SEMA3E: variants seen among roughly 807,000 people sequenced by gnomAD.
SEMA3E encodes the protein semaphorin 3E.
SEMA3E carries 49 observed loss-of-function variants against 93.6 expected under a neutral mutation model. The observed-to-expected ratio is 0.52, with a 90% CI of 0.42 to 0.66. SEMA3E has a LOEUF of 0.66. Ranked by LOEUF, SEMA3E falls within the 30% of genes least tolerant of loss-of-function variation. The pLI is 0.00. For missense variants in SEMA3E, 906 were observed against 964.8 expected, an observed-to-expected ratio of 0.94 and a Z score of 0.81; for synonymous variants, 363 against 330.7, an observed-to-expected ratio of 1.10 and a Z score of -1.06.
At position 83,406,278 on chromosome 7, in the gene SEMA3E, C is replaced by T. The variant is rs148233419; in HGVS notation, c.814-219G>A. Among the ~76,000 whole-genome samples the T allele has an allele frequency of 2.8e-3, 425 of 151,840 alleles. 2 individuals are homozygous for T. Among genetic ancestry groups the T allele is most frequent in the African/African-American group, 8.4e-3 (348 of 41,420 alleles). ...ATTCGGCCTTGTCAGTGCACTTTCA[C>T]CCTGATACAGTAAATATATTTTGCA... On this transcript the variant is annotated intron_variant, in intron 7 of 16. Transcript: ENST00000643230.
At chr7:83,370,970 T>C (rs1794741761) in intron 16 of SEMA3E, among the ~76,000 whole-genome samples, 1 of 152,192 alleles carries the variant, frequency 6.6e-6, no homozygotes, top group Non-Finnish European at 1.5e-5. Flanking sequence ...CAGATCCTGC[T>C]TTTGTAAATC....
In SEMA3E at chr7:83,531,971, C is replaced by T. The variant is rs114538571; in HGVS notation, c.116-41697G>A. Reference sequence around the variant, plus strand: ...ATATGGGAATCATCGGGAGACAGGACATTTGGCTTTTGGCTCTGAAAACAA... The same window carrying T: ...ATATGGGAATCATCGGGAGACAGGATATTTGGCTTTTGGCTCTGAAAACAA... On this transcript the variant is annotated intron_variant, in intron 1 of 16. Transcript: ENST00000643230. Among the ~76,000 whole-genome samples, 804 of 152,172 alleles carry T rather than the reference C, an allele frequency of 5.3e-3. 6 individuals are homozygous for T. The highest frequency in any genetic ancestry group is 0.018 in the African/African-American group (762 of 41,512).
chr7:83,609,405 A>G (rs755266126), intron 1 of SEMA3E, among the ~76,000 whole-genome samples: 2 of 152,042 alleles, frequency 1.3e-5, no homozygotes, highest in Non-Finnish European at 2.9e-5. Context: ...TTTCAGAGAC[A>G]AAGTGATTGA....
intron 12 of SEMA3E, among the ~76,000 whole-genome samples, chr7:83,396,204 C>T (rs1443781743): frequency 6.6e-6 from 1 of 151,758 alleles, no homozygotes; most frequent in African/African-American, 2.4e-5. Context: ...TTTTTATTAT[C>T]ATCTTCTATT....
chr7:83,596,540 C>A (rs1046081270), intron 1 of SEMA3E, among the ~76,000 whole-genome samples: 1 of 151,992 alleles, frequency 6.6e-6, no homozygotes. Context: ...GCTTTTATAG[C>A]TAGTTCTGTG....
chr7:83,485,253 G>C (rs1198907830), intron 2 of SEMA3E, among the ~76,000 whole-genome samples: 1 of 152,160 alleles, frequency 6.6e-6, no homozygotes, highest in Admixed American at 6.5e-5. Flanking sequence ...AGAATACAGA[G>C]TAAATAATAG....
intron 1 of SEMA3E, among the ~76,000 whole-genome samples, chr7:83,507,052 C>A (rs758645317): frequency 1.6e-4 from 25 of 152,166 alleles, no homozygotes; most frequent in Non-Finnish European, 2.9e-4. Flanking sequence ...GAATATCATT[C>A]CTGCCAGCTG....
At chr7:83,554,792 C>T (rs112983855) in intron 1 of SEMA3E, among the ~76,000 whole-genome samples, 2 of 151,980 alleles carry the variant, frequency 1.3e-5, no homozygotes, top group African/African-American at 4.8e-5. Flanking sequence ...TTGGCTAACA[C>T]GGTGAAACCC....
intron 16 of SEMA3E, among the ~76,000 whole-genome samples, chr7:83,378,746 C>G (rs955998993): frequency 6.6e-6 from 1 of 151,838 alleles, no homozygotes; most frequent in Non-Finnish European, 1.5e-5. Flanking sequence ...CTTATTTAAG[C>G]CATACAGCTC....
intron 1 of SEMA3E, among the ~76,000 whole-genome samples, chr7:83,587,515 TTTCCTCTAAA>T (rs1269531992): frequency 7.2e-5 from 11 of 152,250 alleles, no homozygotes; most frequent in African/African-American, 2.4e-4. Flanking sequence ...GAGAGATTGC[TTTCCTCTAAA>T]AATAAACCTT....
intron 1 of SEMA3E, among the ~76,000 whole-genome samples, chr7:83,519,038 G>T (rs1172455257): frequency 6.6e-6 from 1 of 151,802 alleles, no homozygotes; most frequent in Non-Finnish European, 1.5e-5. Flanking sequence ...AGTTACATAT[G>T]TATACATGTG....
rs1387707155 is a variant in SEMA3E, at chr7:83,407,136, A to G, written c.774T>C (p.Asn258=). The change falls in exon 7 of 17, where the codon AAT becomes AAC. Residue 258 remains asparagine, a synonymous_variant. Transcript: ENST00000643230. ...FTEKALEAEN[N]AHAIYTRVGR... is the part of the protein sequence containing the mutation. Reference sequence around the variant, plus strand: ...CGACCCTGGTGTAAATTGCGTGAGCATTGTTTTCTGCCTCCAGTGCCTTCT... The same window carrying G: ...CGACCCTGGTGTAAATTGCGTGAGCGTTGTTTTCTGCCTCCAGTGCCTTCT... The G allele has an allele frequency of 1.2e-6, 2 of 1,613,660 alleles. No individual in the cohort carries two copies. The highest frequency in any genetic ancestry group is 1.7e-5 in the Admixed American group (1 of 59,924).
chr7:83,495,474 A>G (rs879898312), intron 1 of SEMA3E, among the ~76,000 whole-genome samples: 2 of 130,998 alleles, frequency 1.5e-5, no homozygotes, highest in Non-Finnish European at 3.6e-5. Context: ...ATAAACATAA[A>G]ACAATTAATG....
At chr7:83,450,472 A>G (rs1789336404) in intron 4 of SEMA3E, among the ~76,000 whole-genome samples, 2 of 152,228 alleles carry the variant, frequency 1.3e-5, no homozygotes, top group Admixed American at 6.5e-5. Context: ...CAATCTCAGT[A>G]TAACTGTTGA....
chr7:83,481,198 G>A (rs990360280), intron 2 of SEMA3E, among the ~76,000 whole-genome samples: 6 of 151,916 alleles, frequency 3.9e-5, no homozygotes, highest in Non-Finnish European at 7.4e-5. Context: ...AAATGTCTAC[G>A]AGGATGTTTT....
At position 83,611,285 on chromosome 7, in the gene SEMA3E, AT is replaced by A. The variant is rs1477923263; in HGVS notation, c.115+37142del. 2.4e-3 allele frequency among the ~76,000 whole-genome samples: 345 copies of A among 143,482 alleles called. 2 individuals carry two copies. Among genetic ancestry groups the A allele is most frequent in the South Asian group, 8.9e-3 (42 of 4,730 alleles). 94.1% of individuals were successfully genotyped at this position (143,482 alleles called of 152,430 possible). On this transcript the variant is annotated intron_variant, in intron 1 of 16. Coordinates refer to ENST00000643230, the MANE Select transcript of SEMA3E (RefSeq NM_012431.3). The stretch of plus-strand genomic sequence containing the variant: ...TTATATATAAATTTATATATTATAT[AT>A]TAAATTTATATATTATATATATAAA...
At chr7:83,449,296 C>T (rs960791197) in intron 4 of SEMA3E, among the ~76,000 whole-genome samples, 2 of 151,876 alleles carry the variant, frequency 1.3e-5, no homozygotes, top group African/African-American at 4.8e-5. Context: ...GACAGGGTTT[C>T]ACCATGTTGT....
chr7:83,552,100 C>A (rs1385550106), intron 1 of SEMA3E, among the ~76,000 whole-genome samples: 2 of 152,130 alleles, frequency 1.3e-5, no homozygotes, highest in Non-Finnish European at 1.5e-5. Context: ...CTCCCTCACT[C>A]TTTCATAAAC....
chr7:83,536,827 T>C (rs1232045951), intron 1 of SEMA3E, among the ~76,000 whole-genome samples: 2 of 152,164 alleles, frequency 1.3e-5, no homozygotes, highest in Non-Finnish European at 2.9e-5. Flanking sequence ...TATCCAGTAT[T>C]TAGTTTCCAT....
Sources: allele counts gnomAD v4.1 joint callset (sites outside exome capture counted in the v4.1 genomes callset), GRCh38; gene constraint gnomAD v4.1.1; transcripts MANE v1.5; gene names NCBI Gene and HGNC (gene_info 2026-07-23, HGNC 2026-07-21).